SHISA6: variants seen among roughly 807,000 people sequenced by gnomAD.
SHISA6 encodes the protein protein shisa-6.
SHISA6 carries 22 observed loss-of-function variants against 47.9 expected under a neutral mutation model. That is an observed-to-expected ratio of 0.46 (90% CI 0.33 to 0.66). The LOEUF is 0.66. Ranked by LOEUF, SHISA6 falls within the 30% of genes least tolerant of loss-of-function variation. The pLI, the probability that SHISA6 is intolerant of heterozygous loss-of-function variation, is 0.02. For missense variants in SHISA6, 680 were observed against 764.6 expected, an observed-to-expected ratio of 0.89 and a Z score of 1.30; for synonymous variants, 388 against 337.8, an observed-to-expected ratio of 1.15 and a Z score of -1.63.
chr17:11,556,800 A>G (rs1453608672), intron 5 of SHISA6, among the ~76,000 whole-genome samples: 1 of 152,156 alleles, frequency 6.6e-6, no homozygotes, highest in Non-Finnish European at 1.5e-5. Flanking sequence ...AGCAGACAGA[A>G]TTCCCACACT....
intron 3 of SHISA6, among the ~76,000 whole-genome samples, chr17:11,465,103 C>T (rs1915776877): frequency 6.6e-6 from 1 of 152,198 alleles, no homozygotes; most frequent in South Asian, 2.1e-4. Flanking sequence ...CACCTGGCCT[C>T]AACTGACTGT....
chr17:11,293,698 A>G (rs143084441), intron 2 of SHISA6, among the ~76,000 whole-genome samples: 60 of 152,164 alleles, frequency 3.9e-4, no homozygotes, highest in African/African-American at 1.3e-3. Context: ...ATCTCGATGG[A>G]TATCTGCTGC....
intron 3 of SHISA6, among the ~76,000 whole-genome samples, chr17:11,393,738 A>G (rs1913469891): frequency 6.6e-6 from 1 of 152,188 alleles, no homozygotes; most frequent in Admixed American, 6.5e-5. Flanking sequence ...GGTAAAAAAC[A>G]TGACTCAGAA....
intron 2 of SHISA6, among the ~76,000 whole-genome samples, chr17:11,311,075 C>A (rs964658371): frequency 2.2e-4 from 31 of 138,328 alleles, no homozygotes; most frequent in Middle Eastern, 8.5e-3. Context: ...CCACTGTACT[C>A]CAGCCTGGGT....
chr17:11,262,889 C>T (rs2142146008), intron 1 of SHISA6, among the ~76,000 whole-genome samples: 1 of 152,278 alleles, frequency 6.6e-6, no homozygotes, highest in Non-Finnish European at 1.5e-5. Context: ...ATAGCAGGAG[C>T]TGTGTGTTGT....
At chr17:11,330,489 G>GGAGAGAGAGAGAGA (rs4055800) in intron 2 of SHISA6, among the ~76,000 whole-genome samples, 420 of 147,644 alleles carry the variant, frequency 2.8e-3, no homozygotes, top group African/African-American at 0.01. Context: ...GTAATGCTAG[G>GGAGAGAGAGAGAGA]GAGAGAGAGA....
chr17:11,454,824 G>T (rs1475553130), intron 3 of SHISA6, among the ~76,000 whole-genome samples: 2 of 152,252 alleles, frequency 1.3e-5, no homozygotes, highest in East Asian at 3.9e-4. Context: ...AACTCATCCT[G>T]GTTGTCACTC....
At chr17:11,303,183 G>C (rs1277423391) in intron 2 of SHISA6, among the ~76,000 whole-genome samples, 2 of 152,024 alleles carry the variant, frequency 1.3e-5, no homozygotes, top group Admixed American at 1.3e-4. Context: ...AGTTATGTTT[G>C]AGTGTGTGTG....
chr17:11,341,560 C>T (rs1911530430), intron 2 of SHISA6, among the ~76,000 whole-genome samples: 1 of 152,024 alleles, frequency 6.6e-6, no homozygotes, highest in South Asian at 2.1e-4. Flanking sequence ...GTCTTGAACT[C>T]CTGGCCTCAA....
intron 3 of SHISA6, among the ~76,000 whole-genome samples, chr17:11,470,844 G>C (rs1915918457): frequency 6.6e-6 from 1 of 152,102 alleles, no homozygotes; most frequent in Non-Finnish European, 1.5e-5. Context: ...CATAGGTTAG[G>C]GGGACTAACA....
intron 2 of SHISA6, among the ~76,000 whole-genome samples, chr17:11,271,981 GTCTCT>G (rs780493598): frequency 3.3e-5 from 5 of 151,876 alleles, no homozygotes; most frequent in Non-Finnish European, 7.4e-5. Flanking sequence ...CACTCTTCCT[GTCTCT>G]TCTCTCCCCG....
intron 2 of SHISA6, among the ~76,000 whole-genome samples, chr17:11,327,653 C>T (rs188144879): frequency 4.6e-5 from 7 of 152,166 alleles, no homozygotes; most frequent in East Asian, 1.9e-4. Context: ...AAAAATTAGC[C>T]GGGTGTGGTG....
intron 3 of SHISA6, among the ~76,000 whole-genome samples, chr17:11,392,134 A>T (rs1017276336): frequency 3.3e-5 from 5 of 151,578 alleles, no homozygotes; most frequent in Non-Finnish European, 7.4e-5. Flanking sequence ...TTGATGTCAG[A>T]CTCTTGTTCT....
intron 2 of SHISA6, among the ~76,000 whole-genome samples, chr17:11,344,753 C>G (rs1485504629): frequency 6.6e-6 from 1 of 152,088 alleles, no homozygotes; most frequent in East Asian, 1.9e-4. Flanking sequence ...GCATATCTGT[C>G]CACTCAAACA....
intron 3 of SHISA6, among the ~76,000 whole-genome samples, chr17:11,401,905 A>G (rs1443753204): frequency 2.6e-5 from 4 of 152,214 alleles, no homozygotes; most frequent in Admixed American, 6.5e-5. Context: ...CTACAAATCT[A>G]TAAAGTAAAA....
At chr17:11,556,631 C>T (rs1489972382) in intron 5 of SHISA6, among the ~76,000 whole-genome samples, 1 of 152,138 alleles carries the variant, frequency 6.6e-6, no homozygotes, top group Non-Finnish European at 1.5e-5. Context: ...CCTACCCTGA[C>T]AGAAGTGCAG....
rs533529977 is a variant in SHISA6 at position 11,370,672 on chromosome 17, G to T, written c.800-8742G>T. Among the ~76,000 whole-genome samples the T allele has an allele frequency of 2.0e-5, 3 of 152,190 alleles. No homozygotes were observed. The South Asian group carries it at 6.2e-4, about 32-fold the overall frequency. On this transcript the variant is annotated intron_variant, in intron 2 of 5. Transcript: ENST00000441885. Reference sequence around the variant, plus strand: ...ATGAGATCTTCTGCTTTCTCTTAGGGCAGATGACAGGATGAAAGCACCATC... The same window carrying T: ...ATGAGATCTTCTGCTTTCTCTTAGGTCAGATGACAGGATGAAAGCACCATC...
chr17:11,313,046 C>T (rs777073961), intron 2 of SHISA6, among the ~76,000 whole-genome samples: 14 of 152,144 alleles, frequency 9.2e-5, no homozygotes, highest in Non-Finnish European at 1.3e-4. Flanking sequence ...GCTACCAACT[C>T]CTCTAAAAAA....
chr17:11,299,821 C>G (rs1234498481), intron 2 of SHISA6, among the ~76,000 whole-genome samples: 1 of 152,138 alleles, frequency 6.6e-6, no homozygotes, highest in African/African-American at 2.4e-5. Flanking sequence ...TTAACTTGAT[C>G]CCACTTGCAA....
Sources: gnomAD v4.1 joint callset for allele counts (sites outside exome capture counted in the v4.1 genomes callset) on GRCh38, gnomAD v4.1.1 for gene constraint, MANE v1.5 for transcripts, NCBI Gene and HGNC (gene_info 2026-07-23, HGNC 2026-07-21) for gene names.